SHANK1: variants seen among roughly 807,000 people sequenced by gnomAD.
SHANK1 encodes SH3 and multiple ankyrin repeat domains protein 1.
A neutral mutation model predicts 165.6 loss-of-function variants in SHANK1; 35 were observed. That is an observed-to-expected ratio of 0.21 (90% CI 0.16 to 0.28). The LOEUF is 0.28. SHANK1 is among the 10% of genes least tolerant of loss of function. The pLI, the probability that SHANK1 is intolerant of heterozygous loss-of-function variation, is 1.00. For synonymous variants in SHANK1, 1,428 were observed against 1,384.8 expected, an observed-to-expected ratio of 1.03 and a Z score of -0.69; for missense variants, 2,681 against 3,036.4, an observed-to-expected ratio of 0.88 and a Z score of 2.75.
chr19:50,680,359 G>A (rs1313006821), intron 21 of SHANK1, among the ~76,000 whole-genome samples: 1 of 152,108 alleles, frequency 6.6e-6, no homozygotes, highest in East Asian at 1.9e-4. Context: ...CCCAGAAGTG[G>A]GGAGTGCAAC....
chr19:50,709,770 C>T (rs1023958135), intron 8 of SHANK1, among the ~76,000 whole-genome samples: 2 of 152,092 alleles, frequency 1.3e-5, no homozygotes, highest in Admixed American at 6.6e-5. Context: ...AGGCTGGTCT[C>T]GAACTCCTGG....
Position 50,688,044 on chromosome 19 carries a change from A to G in SHANK1, c.2187T>C (p.Asn729=). ...CCTGTCGGTGGCCGACCTTCACCAC[A>G]TTCTGCCCGTTCACCTGTGGCACAG... ...GDFLIEVNGQ[N]VVKVGHRQVV... is the part of the protein sequence containing the mutation. Residue 729 remains asparagine, a synonymous_variant, in exon 18 of 24, where the codon AAT becomes AAC. Transcript: ENST00000293441. This position sits in a 1 kb window ranked among gnomAD's most constrained non-coding sequence, Gnocchi z 6.7. The G allele has an allele frequency of 6.2e-7, 1 of 1,613,976 alleles. No homozygotes were observed. Among genetic ancestry groups the G allele is most frequent in the Non-Finnish European group, 8.5e-7 (1 of 1,179,966 alleles).
chr19:50,682,607 C>T lies in SHANK1; in HGVS notation c.2577+3630G>A, dbSNP rs188418058. Reference sequence around the variant, plus strand: ...CTGGGGGATCAGGAACAAACAGAAACACCTGGGGTATGGTTAGAGACCCAG... The same window carrying T: ...CTGGGGGATCAGGAACAAACAGAAATACCTGGGGTATGGTTAGAGACCCAG... On this transcript the variant is annotated intron_variant, in intron 21 of 23. Coordinates refer to ENST00000293441, the MANE Select transcript of SHANK1 (RefSeq NM_016148.5). Among the ~76,000 whole-genome samples, 272 of 152,258 alleles carry T rather than the reference C, an allele frequency of 1.8e-3. 1 individual carries two copies. The highest frequency in any genetic ancestry group is 6.0e-3 in the African/African-American group (248 of 41,542).
intron 15 of SHANK1, among the ~76,000 whole-genome samples, chr19:50,689,560 G>A (rs529336662): frequency 6.6e-6 from 1 of 152,206 alleles, no homozygotes; most frequent in East Asian, 1.9e-4. Flanking sequence ...ACGGTGGGGA[G>A]GATGGGGAGA....
intron 12 of SHANK1, among the ~76,000 whole-genome samples, chr19:50,701,963 C>T (rs1009075786): frequency 4.6e-5 from 7 of 152,178 alleles, no homozygotes; most frequent in African/African-American, 1.4e-4. Context: ...GCCAGCTCGT[C>T]GGGGCCCTAG....
chr19:50,659,455 A>G lies in SHANK1; in HGVS notation c.*2510T>C, dbSNP rs1985097434. ...CTGGGTCCCAATCCCTTGAGGGATG[A>G]ACTGAAGCCCGCGAAAGGGAAGACC... On this transcript the variant is annotated 3_prime_UTR_variant, in exon 24 of 24. Coordinates refer to ENST00000293441, the MANE Select transcript of SHANK1 (RefSeq NM_016148.5). 4.2e-6 allele frequency: 1 copy of G among 239,174 alleles called. No individual in the cohort carries two copies. The highest frequency in any genetic ancestry group is 2.2e-5 in the African/African-American group (1 of 44,494). The allele number at this position is 239,174 out of a possible 1,614,324, so 14.8% of individuals were successfully genotyped here. A position where few individuals can be genotyped will look rare whatever the true frequency, so the allele number is the denominator to read the frequency against.
rs370010826 is a variant in SHANK1 at position 50,662,184 on chromosome 19, C to T, written c.6267G>A (p.Pro2089=). ...TRLLSLPPDK[P]FGAKPLGFWT... The stretch of plus-strand genomic sequence containing the variant: ...AGAACCCCAGAGGTTTAGCGCCAAA[C>T]GGCTTGTCCGGGGGCAGCGAGAGCA... The change falls in exon 24 of 24, where the codon CCG becomes CCA. Residue 2089 remains proline, a synonymous_variant. Transcript: ENST00000293441. The surrounding 1 kb of genome is among the most constrained non-coding windows in gnomAD (Gnocchi z 7.7). 5.6e-5 allele frequency: 90 copies of T among 1,609,848 alleles called. No individual in the cohort carries two copies. The highest frequency in any genetic ancestry group is 1.6e-4 in the Middle Eastern group (1 of 6,072).
In SHANK1 at chr19:50,670,440, C is replaced by T. The variant is rs1985748856; in HGVS notation, c.2675-1155G>A. Among the ~76,000 whole-genome samples, 1 of 152,186 alleles carries T rather than the reference C, an allele frequency of 6.6e-6. No homozygotes were observed. Among genetic ancestry groups the T allele is most frequent in the South Asian group, 2.1e-4 (1 of 4,830 alleles). On this transcript the variant is annotated intron_variant, in intron 22 of 23. Coordinates refer to ENST00000293441, the MANE Select transcript of SHANK1 (RefSeq NM_016148.5). This position sits in a 1 kb window ranked among gnomAD's most constrained non-coding sequence, Gnocchi z 4.1. ...CCTCCTCTTTGGTCCCCCGGCTTCC[C>T]AGCTCATCCCCTTCAATCTAGTCCC...
Position 50,667,335 on chromosome 19 carries a change from A to G in SHANK1, c.4625T>C (p.Leu1542Pro). 6.4e-7 allele frequency: 1 copy of G among 1,572,470 alleles called. No homozygotes were observed. ...GGGAGGCGGCAGGACCAGCAGGGGC[A>G]GCCCGTTCTCTTCGCTGGCCCTCGG... Reference protein sequence around the residue: ...TSPRASEENGLPLLVLPPPAP... With the variant: ...TSPRASEENGPPLLVLPPPAP... The change falls in exon 23 of 24, where the codon CTG (leucine) becomes CCG (proline). Residue 1542 changes from leucine (L) to proline (P), a missense_variant. Leu to Pro is a moderately conservative substitution (Grantham distance 98). Around this residue, in one of 10 missense-constraint regions of SHANK1, gnomAD observed 1,713 missense variants for 1,630.2 expected, o/e 1.05. Coordinates refer to ENST00000293441, the MANE Select transcript of SHANK1 (RefSeq NM_016148.5). The surrounding 1 kb of genome is among the most constrained non-coding windows in gnomAD (Gnocchi z 5.7).
chr19:50,686,944 G>T lies in SHANK1; in HGVS notation c.2390-132C>A. 7.4e-7 allele frequency: 1 copy of T among 1,346,278 alleles called. No homozygotes were observed. The highest frequency in any genetic ancestry group is 1.5e-5 in the South Asian group (1 of 64,542). 83.4% of individuals were successfully genotyped at this position (1,346,278 alleles called of 1,614,324 possible). A position where few individuals can be genotyped will look rare whatever the true frequency, so the allele number is the denominator to read the frequency against. On this transcript the variant is annotated intron_variant, in intron 19 of 23. Transcript: ENST00000293441. The surrounding 1 kb of genome is among the most constrained non-coding windows in gnomAD (Gnocchi z 5.7). ...GCGCGAGAGGGGCAGTGAGGGGCCG[G>T]GGTCAGGGAGGGGCGAGTCCGCCGG... is the stretch of plus-strand genomic sequence containing the variant.
chr19:50,704,297 C>G, intron 9 of SHANK1, 111 bp from the exon 10 acceptor site: 1 of 1,322,340 alleles, frequency 7.6e-7, no homozygotes, highest in South Asian at 1.2e-5. Context: ...TCCGACAATG[C>G]CGCCCTCTGT....
At chr19:50,672,231 G>T in intron 21 of SHANK1, 117 bp from the exon 22 acceptor site, 1 of 818,282 alleles carries the variant, frequency 1.2e-6, no homozygotes, top group Non-Finnish European at 2.0e-6. Flanking sequence ...AGCCCCTGCC[G>T]TAAGGGAGAG....
At chr19:50,669,319 C>G in intron 22 of SHANK1, 34 bp from the exon 23 acceptor site, 1 of 1,480,262 alleles carries the variant, frequency 6.8e-7, no homozygotes, top group South Asian at 1.2e-5. Flanking sequence ...GAGGGGGACC[C>G]TGGCGGGGAG....
chr19:50,679,463 C>A (rs1206910332), intron 21 of SHANK1, among the ~76,000 whole-genome samples: 1 of 152,108 alleles, frequency 6.6e-6, no homozygotes, highest in Non-Finnish European at 1.5e-5. Flanking sequence ...TCTGATGGGG[C>A]ATCGCACTGA....
intron 21 of SHANK1, among the ~76,000 whole-genome samples, chr19:50,677,047 G>A (rs893780689): frequency 1.3e-5 from 2 of 152,144 alleles, no homozygotes; most frequent in Non-Finnish European, 2.9e-5. Flanking sequence ...TGGCTAAGAT[G>A]GTGGAGCAGA....
rs1310816924 is a variant in SHANK1 at position 50,666,845 on chromosome 19, A to G, written c.5115T>C (p.Gly1705=). The change falls in exon 23 of 24, where the codon GGT becomes GGC. Residue 1705 remains glycine, a synonymous_variant. Coordinates refer to ENST00000293441, the MANE Select transcript of SHANK1 (RefSeq NM_016148.5). ...STLSSLSAEG[G]GSAGGGGGAG... is the part of the protein sequence containing the mutation. ...CCCCGCCCCCACCCCCTGCGCTGCC[A>G]CCACCTTCGGCAGATAGGCTGCTCA... 2 of 1,557,318 alleles carry G rather than the reference A, an allele frequency of 1.3e-6. No individual in the cohort carries two copies. Among genetic ancestry groups the G allele is most frequent in the Non-Finnish European group, 8.7e-7 (1 of 1,151,682 alleles).
rs750740108 is a variant in SHANK1, at chr19:50,704,199, G to C, written c.1156-13C>G. ...CAATCACTGCCACCTGGAGGGAGGG[G>C]GTAGAGGCAGGTCGGCCAGGGGGGC... On this transcript the variant is annotated splice_polypyrimidine_tract_variant and intron_variant, in intron 9 of 23. Transcript: ENST00000293441. The C allele has an allele frequency of 3.1e-6, 5 of 1,613,594 alleles. No individual in the cohort carries two copies. The Admixed American group carries it at 5.0e-5, about 16-fold the overall frequency.
rs996828096 is a variant in SHANK1 at position 50,661,204 on chromosome 19, G to A, written c.*761C>T. The stretch of plus-strand genomic sequence containing the variant: ...TCTGCAACAAGGGTCCAGAGCGAGC[G>A]GGGAGGAGGAGATGTGAAATGGAGT... On this transcript the variant is annotated 3_prime_UTR_variant, in exon 24 of 24. Transcript: ENST00000293441. Among the ~76,000 whole-genome samples, 3 of 152,046 alleles carry A rather than the reference G, an allele frequency of 2.0e-5. No homozygotes were observed. The highest frequency in any genetic ancestry group is 4.4e-5 in the Non-Finnish European group (3 of 68,010).
intron 15 of SHANK1, among the ~76,000 whole-genome samples, chr19:50,695,313 C>A (rs1325380935): frequency 6.8e-6 from 1 of 147,720 alleles, no homozygotes; most frequent in Non-Finnish European, 1.5e-5. Context: ...CCGCGGACGG[C>A]GCCGGCTTCA....
Sources: gnomAD v4.1 joint callset for allele counts (sites outside exome capture counted in the v4.1 genomes callset) on GRCh38, gnomAD v4.1.1 for gene constraint, gnomAD v4.1.1 regional missense constraint, Gnocchi (gnomAD v3.1) non-coding constraint, MANE v1.5 for transcripts, NCBI Gene and HGNC (gene_info 2026-07-23, HGNC 2026-07-21) for gene names.